AGK: variants seen among roughly 807,000 people sequenced by gnomAD.
AGK encodes acylglycerol kinase.
Under a neutral mutation model 66.4 loss-of-function variants are expected in AGK, and 52 were observed. That is an observed-to-expected ratio of 0.78 (90% CI 0.63 to 0.99). The LOEUF is 0.99. Among genes scored for constraint, AGK ranks in the 50% least tolerant of loss-of-function variants. The pLI, the probability that AGK is intolerant of heterozygous loss-of-function variation, is 0.00. For synonymous variants in AGK, 182 were observed against 181.1 expected (o/e 1.00, Z -0.04); for missense variants, 451 against 506.6 (o/e 0.89, Z 1.05).
At chr7:141,625,604 C>T (rs573978233) in intron 9 of AGK, among the ~76,000 whole-genome samples, 1 of 152,120 alleles carries the variant, frequency 6.6e-6, no homozygotes, top group Middle Eastern at 3.4e-3. Context: ...ACAAGTAATT[C>T]GTCTACCTCA....
intron 1 of AGK, among the ~76,000 whole-genome samples, chr7:141,551,784 G>T (rs1051316724): frequency 6.6e-6 from 1 of 152,190 alleles, no homozygotes; most frequent in African/African-American, 2.4e-5. Flanking sequence ...GCAAAATGGG[G>T]CCAATAGTAT....
At chr7:141,651,486 C>T (rs1797555479) in intron 14 of AGK, 39 bp from the exon 15 acceptor site, 2 of 1,585,772 alleles carry the variant, frequency 1.3e-6, no homozygotes, top group Non-Finnish European at 8.7e-7. Flanking sequence ...GTGCAGTTGC[C>T]ATCACTGGTC....
intron 13 of AGK, among the ~76,000 whole-genome samples, chr7:141,642,594 CA>C (rs1293496271): frequency 6.6e-6 from 1 of 152,058 alleles, no homozygotes; most frequent in African/African-American, 2.4e-5. Context: ...ACAACACACC[CA>C]AAAGTATTGA....
rs558472841 is a variant in AGK, at chr7:141,577,715, C to A, written c.102-15431C>A. On this transcript the variant is annotated intron_variant, in intron 2 of 15. Coordinates refer to ENST00000649286, the MANE Select transcript of AGK (RefSeq NM_018238.4). ...GGCTTCACCCCAGTGTGCACTCCAC[C>A]CAGTGCACAGGCCGGTTGGGGTTTC... Among the ~76,000 whole-genome samples the A allele has an allele frequency of 2.6e-5, 4 of 152,178 alleles. No individual in the cohort carries two copies. In the South Asian group the frequency reaches 8.3e-4, roughly 32 times the overall value.
intron 13 of AGK, among the ~76,000 whole-genome samples, chr7:141,648,812 A>G (rs1028908514): frequency 2.0e-5 from 3 of 152,200 alleles, no homozygotes; most frequent in Admixed American, 6.5e-5. Context: ...TTGTATGTAG[A>G]GCATTAAAGA....
At chr7:141,628,822 C>G (rs935395856) in intron 9 of AGK, among the ~76,000 whole-genome samples, 2 of 152,124 alleles carry the variant, frequency 1.3e-5, no homozygotes, top group African/African-American at 4.8e-5. Context: ...ATAGTTGGCA[C>G]CATTCCATGA....
Position 141,562,137 on chromosome 7 carries a change from C to T in AGK, c.101+6570C>T, listed in dbSNP as rs753241634. ...TTTAGTGTGCTGGCTTTCTTGAATG[C>T]TGGTTATGCAAGCGGTGAAGTTGTC... On this transcript the variant is annotated intron_variant, in intron 2 of 15. Transcript: ENST00000649286. 22 of 455,018 alleles carry T rather than the reference C, an allele frequency of 4.8e-5. No individual in the cohort carries two copies. The Middle Eastern group carries it at 1.5e-3, about 31-fold the overall frequency. 28.2% of individuals were successfully genotyped at this position (455,018 alleles called of 1,614,324 possible).
intron 13 of AGK, chr7:141,649,018 T>A (rs886930230): frequency 2.7e-6 from 1 of 367,552 alleles, no homozygotes; most frequent in Non-Finnish European, 4.8e-6. Flanking sequence ...GAGTTTTGTT[T>A]GCTTATGTAG....
chr7:141,621,754 G>C lies in AGK; in HGVS notation c.541G>C (p.Ala181Pro). Residue 181 changes from alanine (A) to proline (P), a missense_variant, in exon 9 of 16, where the codon GCC becomes CCC. Coordinates refer to ENST00000649286, the MANE Select transcript of AGK (RefSeq NM_018238.4). ...KVQHITDATL[A>P]IVKGETVPLD... is the part of the protein sequence containing the mutation. ...TAGACATATTACTGATGCCACACTTGCCATTGTGAAAGGAGAGACAGTTCC... is the reference window on the plus strand; with the variant it reads ...TAGACATATTACTGATGCCACACTTCCCATTGTGAAAGGAGAGACAGTTCC... The C allele has an allele frequency of 6.2e-7, 1 of 1,613,428 alleles. No individual in the cohort carries two copies. Among genetic ancestry groups the C allele is most frequent in the Non-Finnish European group, 8.5e-7 (1 of 1,179,632 alleles).
Position 141,555,608 on chromosome 7 carries a change from C to T in AGK, c.101+41C>T, listed in dbSNP as rs771287186. ...CCCCATCCCACCTTTGCATCTGCAG[C>T]AAAACAGCCCCAAAGGGCCTCAGGT... On this transcript the variant is annotated intron_variant, in intron 2 of 15. Coordinates refer to ENST00000649286, the MANE Select transcript of AGK (RefSeq NM_018238.4). This position sits in a 1 kb window ranked among gnomAD's most constrained non-coding sequence, Gnocchi z 4.2. The T allele has an allele frequency of 6.2e-6, 9 of 1,459,556 alleles. No individual in the cohort carries two copies. The African/African-American group carries it at 1.1e-4, about 18-fold the overall frequency. 90.4% of individuals were successfully genotyped at this position (1,459,556 alleles called of 1,614,324 possible).
intron 2 of AGK, among the ~76,000 whole-genome samples, chr7:141,569,841 G>A (rs1795561336): frequency 6.6e-6 from 1 of 152,164 alleles, no homozygotes; most frequent in Admixed American, 6.5e-5. Context: ...TGAGAGAGAT[G>A]AAGAACTGTA....
intron 13 of AGK, among the ~76,000 whole-genome samples, chr7:141,642,341 ATTAT>A (rs1167591110): frequency 1.9e-4 from 29 of 152,324 alleles, no homozygotes; most frequent in African/African-American, 6.7e-4. Context: ...ATATCTACAT[ATTAT>A]TTATTTAGGC....
At chr7:141,602,854 A>C (rs1796374951) in intron 5 of AGK, among the ~76,000 whole-genome samples, 1 of 151,718 alleles carries the variant, frequency 6.6e-6, no homozygotes, top group South Asian at 2.1e-4. Context: ...GATGCATAAT[A>C]TTTTTATTAT....
intron 9 of AGK, among the ~76,000 whole-genome samples, chr7:141,630,723 T>G (rs1218556610): frequency 1.3e-5 from 2 of 152,164 alleles, no homozygotes; most frequent in African/African-American, 4.8e-5. Flanking sequence ...TTTGTTAAGT[T>G]GAAGGCATTA....
chr7:141,641,753 TG>T (rs1797295839), intron 12 of AGK, 57 bp from the exon 13 acceptor site: 7 of 1,407,658 alleles, frequency 5.0e-6, no homozygotes, highest in South Asian at 2.5e-5. Context: ...TAGCCGTCCG[TG>T]GTGGGTGGTG....
intron 7 of AGK, 77 bp from the exon 8 acceptor site, chr7:141,615,394 G>A: frequency 8.7e-7 from 1 of 1,155,612 alleles, no homozygotes; most frequent in South Asian, 1.3e-5. Context: ...TTGTCATAGT[G>A]GACACACCTG....
At position 141,649,424 on chromosome 7, in the gene AGK, C is replaced by T. The variant is rs180888822; in HGVS notation, c.1046+91C>T. On this transcript the variant is annotated intron_variant, in intron 14 of 15. Transcript: ENST00000649286. ...CCCCATGAAGTCTAAGACAGAAATCCAGCCAAAGCCTTGTCTTGTTTGGGA... is the reference window on the plus strand; with the variant it reads ...CCCCATGAAGTCTAAGACAGAAATCTAGCCAAAGCCTTGTCTTGTTTGGGA... 2.8e-4 allele frequency: 261 copies of T among 939,558 alleles called. 2 individuals carry two copies. Among genetic ancestry groups the T allele is most frequent in the Admixed American group, 1.0e-3 (51 of 48,634 alleles). The allele number at this position is 939,558 out of a possible 1,614,324, so 58.2% of individuals were successfully genotyped here. A position where few individuals can be genotyped will look rare whatever the true frequency, so the allele number is the denominator to read the frequency against.
At chr7:141,629,187 A>G (rs1797004553) in intron 9 of AGK, among the ~76,000 whole-genome samples, 1 of 152,102 alleles carries the variant, frequency 6.6e-6, no homozygotes, top group Admixed American at 6.6e-5. Context: ...TGAAATTTCC[A>G]GATTAGGCAT....
At chr7:141,576,159 A>C (rs1457535135) in intron 2 of AGK, among the ~76,000 whole-genome samples, 1 of 152,188 alleles carries the variant, frequency 6.6e-6, no homozygotes, top group East Asian at 1.9e-4. Flanking sequence ...TTGTAAACCA[A>C]AAATATATCA....
Sources: allele counts gnomAD v4.1 joint callset (sites outside exome capture counted in the v4.1 genomes callset), GRCh38; gene constraint gnomAD v4.1.1; non-coding constraint Gnocchi (gnomAD v3.1); transcripts MANE v1.5; gene names NCBI Gene and HGNC (gene_info 2026-07-23, HGNC 2026-07-21).